CCDC91: variants seen among roughly 807,000 people sequenced by gnomAD.
The protein encoded by CCDC91 is coiled-coil domain-containing protein 91.
A neutral mutation model predicts 63.2 loss-of-function variants in CCDC91; 48 were observed. That is an observed-to-expected ratio of 0.76 (90% CI 0.60 to 0.97). The LOEUF is 0.97. Ranked by LOEUF, CCDC91 falls within the 50% of genes least tolerant of loss-of-function variation. CCDC91 has a pLI of 0.00. For synonymous variants in CCDC91, 167 were observed against 165.8 expected, an observed-to-expected ratio of 1.01 and a Z score of -0.06; for missense variants, 500 against 494.6, an observed-to-expected ratio of 1.01 and a Z score of -0.10.
chr12:28,220,119 T>C (rs1372671629), intron 1 of CCDC91, among the ~76,000 whole-genome samples: 2 of 152,130 alleles, frequency 1.3e-5, no homozygotes, highest in African/African-American at 4.8e-5. Context: ...CATTACATGG[T>C]TGAGTTTAAA....
intron 6 of CCDC91, among the ~76,000 whole-genome samples, chr12:28,318,968 A>G (rs1439154349): frequency 6.6e-6 from 1 of 151,946 alleles, no homozygotes; most frequent in Non-Finnish European, 1.5e-5. Flanking sequence ...CAATTTACTG[A>G]TAGGTTTTGA....
At chr12:28,340,012 A>G (rs73083972) in intron 6 of CCDC91, among the ~76,000 whole-genome samples, 2,089 of 152,316 alleles carry the variant, frequency 0.014, 13 homozygotes, top group African/African-American at 0.02. Flanking sequence ...TTTTGTATAT[A>G]GTACCAGTGG....
At chr12:28,467,476 AAGAG>A (rs746014313) in intron 11 of CCDC91, among the ~76,000 whole-genome samples, 4 of 150,964 alleles carry the variant, frequency 2.6e-5, no homozygotes, top group East Asian at 3.9e-4. Context: ...ATTAGAGCTA[AAGAG>A]AGAGAGAGAG....
intron 12 of CCDC91, among the ~76,000 whole-genome samples, chr12:28,500,113 C>G (rs954723325): frequency 1.3e-5 from 2 of 151,650 alleles, no homozygotes; most frequent in Non-Finnish European, 2.9e-5. Context: ...GAGCTTTTTT[C>G]CATATATTTG....
At chr12:28,493,206 C>T (rs548287458) in intron 12 of CCDC91, among the ~76,000 whole-genome samples, 45 of 151,680 alleles carry the variant, frequency 3.0e-4, no homozygotes, top group Admixed American at 2.1e-3. Flanking sequence ...TAGATAACTA[C>T]CCAAAATCAG....
chr12:28,507,409 C>A (rs1176512965), intron 12 of CCDC91, among the ~76,000 whole-genome samples: 1 of 151,952 alleles, frequency 6.6e-6, no homozygotes, highest in Admixed American at 6.6e-5. Flanking sequence ...CCAGTAGTAG[C>A]CACCCCCTAG....
At chr12:28,417,640 T>TATATATATATATAC (rs57507827) in intron 8 of CCDC91, among the ~76,000 whole-genome samples, 4 of 112,076 alleles carry the variant, frequency 3.6e-5, no homozygotes, top group South Asian at 5.2e-4. Flanking sequence ...TATATATATA[T>TATATATATATATAC]ACACACACAC....
chr12:28,423,790 T>C (rs984864902), intron 8 of CCDC91, among the ~76,000 whole-genome samples: 14 of 152,162 alleles, frequency 9.2e-5, no homozygotes, highest in Non-Finnish European at 5.9e-5. Flanking sequence ...TTTAATTGTG[T>C]GTAATTGAAA....
intron 1 of CCDC91, chr12:28,236,244 T>C (rs907472765): frequency 6.6e-6 from 1 of 152,084 alleles, no homozygotes; most frequent in Non-Finnish European, 1.5e-5. Context: ...GATTGTTTGG[T>C]ACTAGTCATT....
intron 6 of CCDC91, among the ~76,000 whole-genome samples, chr12:28,333,397 A>G (rs755949994): frequency 1.7e-3 from 137 of 81,702 alleles, no homozygotes; most frequent in Non-Finnish European, 4.3e-3. Flanking sequence ...TCCATCTCAG[A>G]AAAAAAAAAA....
At chr12:28,222,328 G>A (rs975821356) in intron 1 of CCDC91, among the ~76,000 whole-genome samples, 3 of 152,104 alleles carry the variant, frequency 2.0e-5, no homozygotes, top group African/African-American at 7.2e-5. Context: ...CTGGTGAGAT[G>A]TCTGTGAGTA....
At chr12:28,432,828 G>C (rs937449261) in intron 8 of CCDC91, among the ~76,000 whole-genome samples, 1 of 152,016 alleles carries the variant, frequency 6.6e-6, no homozygotes, top group African/African-American at 2.4e-5. Flanking sequence ...TACCATTTTG[G>C]TTATGCACCA....
chr12:28,526,317 T>C (rs371301507), intron 12 of CCDC91, among the ~76,000 whole-genome samples: 3 of 152,142 alleles, frequency 2.0e-5, no homozygotes, highest in East Asian at 1.9e-4. Flanking sequence ...TTTCTCAGCA[T>C]ATGTTTGTTT....
At chr12:28,505,498 C>G (rs1938591166) in intron 12 of CCDC91, 1 of 151,906 alleles carries the variant, frequency 6.6e-6, no homozygotes, top group Non-Finnish European at 1.5e-5. Context: ...TGAGTTTCAT[C>G]TTTCCACATT....
Position 28,484,209 on chromosome 12 carries a change from G to A in CCDC91, c.1215+44G>A, listed in dbSNP as rs965371008. On this transcript the variant is annotated intron_variant, in intron 12 of 12. Coordinates refer to ENST00000536442, the MANE Select transcript of CCDC91 (RefSeq NM_018318.5). ...GTTTTAATTTGTGCTTCAATAAACT[G>A]AATCAGTGACTTCCATACAATAACA... 7 of 1,061,486 alleles carry A rather than the reference G, an allele frequency of 6.6e-6. No individual in the cohort carries two copies. In the African/African-American group the frequency reaches 1.1e-4, roughly 17 times the overall value. The allele number at this position is 1,061,486 out of a possible 1,614,324, so 65.8% of individuals were successfully genotyped here. A position where few individuals can be genotyped will look rare whatever the true frequency, so the allele number is the denominator to read the frequency against.
At chr12:28,412,554 G>A (rs1359719374) in intron 8 of CCDC91, among the ~76,000 whole-genome samples, 2 of 152,198 alleles carry the variant, frequency 1.3e-5, no homozygotes, top group East Asian at 1.9e-4. Flanking sequence ...ATGGAGCTGC[G>A]GACCTTCACG....
chr12:28,232,589 G>T (rs1043872153), intron 1 of CCDC91, among the ~76,000 whole-genome samples: 5 of 152,054 alleles, frequency 3.3e-5, no homozygotes, highest in Admixed American at 1.3e-4. Context: ...TTAGAGGGGA[G>T]GAATTAGACA....
chr12:28,276,711 A>G (rs1948252057), intron 3 of CCDC91, among the ~76,000 whole-genome samples: 1 of 151,842 alleles, frequency 6.6e-6, no homozygotes, highest in Admixed American at 6.6e-5. Context: ...TATGTTTGAG[A>G]GTATAGAAAT....
chr12:28,208,539 G>A (rs1456389977), intron 1 of CCDC91, among the ~76,000 whole-genome samples: 1 of 152,102 alleles, frequency 6.6e-6, no homozygotes, highest in Non-Finnish European at 1.5e-5. Context: ...TCCAAAGTTG[G>A]ATGTCAGAAA....
Sources: gnomAD v4.1 joint callset for allele counts (sites outside exome capture counted in the v4.1 genomes callset) on GRCh38, gnomAD v4.1.1 for gene constraint, MANE v1.5 for transcripts, NCBI Gene and HGNC (gene_info 2026-07-23, HGNC 2026-07-21) for gene names.